ROBO1: variants seen among roughly 807,000 people sequenced by gnomAD.
The protein encoded by ROBO1 is roundabout homolog 1.
A neutral mutation model predicts 195.9 loss-of-function variants in ROBO1; 149 were observed. The ratio of observed to expected loss-of-function variants is 0.76; its 90% CI spans 0.67 to 0.87. The LOEUF (loss-of-function observed/expected upper bound fraction) is 0.87. ROBO1 is among the 40% of genes least tolerant of loss of function. ROBO1 has a pLI of 0.00. For synonymous variants in ROBO1, 816 were observed against 733.2 expected (o/e 1.11, Z -1.82); for missense variants, 1,933 against 2,068.3 (o/e 0.93, Z 1.27).
intron 4 of ROBO1, among the ~76,000 whole-genome samples, chr3:78,812,944 A>G (rs1274572378): frequency 2.0e-5 from 3 of 152,102 alleles, no homozygotes; most frequent in Non-Finnish European, 2.9e-5. Flanking sequence ...AATATTAACT[A>G]TCTTGTACTT....
At chr3:79,631,865 A>G (rs1195656780) in intron 1 of ROBO1, among the ~76,000 whole-genome samples, 2 of 152,142 alleles carry the variant, frequency 1.3e-5, no homozygotes, top group East Asian at 1.9e-4. Context: ...GCCAAAATAC[A>G]TATGAAAAAA....
intron 10 of ROBO1, 48 bp from the exon 11 acceptor site, chr3:78,670,349 T>C: frequency 6.7e-7 from 1 of 1,491,218 alleles, no homozygotes; most frequent in Non-Finnish European, 9.1e-7. Context: ...TGGAAGCAAT[T>C]TTCTAATCAT....
intron 2 of ROBO1, among the ~76,000 whole-genome samples, chr3:79,529,428 G>A (rs192657579): frequency 1.6e-4 from 24 of 152,298 alleles, no homozygotes; most frequent in African/African-American, 5.5e-4. Context: ...GCCTTGTCTG[G>A]ATCGTGCCAC....
intron 4 of ROBO1, among the ~76,000 whole-genome samples, chr3:78,834,544 C>T (rs2032525279): frequency 6.6e-6 from 1 of 151,070 alleles, no homozygotes; most frequent in African/African-American, 2.4e-5. Flanking sequence ...ACATCAAAAC[C>T]ACAAATATGT....
intron 1 of ROBO1, among the ~76,000 whole-genome samples, chr3:79,668,118 A>T (rs1191942185): frequency 1.3e-5 from 2 of 151,888 alleles, no homozygotes; most frequent in African/African-American, 4.8e-5. Context: ...TTAAAAATAT[A>T]TGTTATGATA....
chr3:79,680,047 C>T (rs1328444554), intron 1 of ROBO1, among the ~76,000 whole-genome samples: 8 of 151,996 alleles, frequency 5.3e-5, no homozygotes, highest in Non-Finnish European at 2.9e-5. Context: ...TTATTTCTTG[C>T]ATATGCTACG....
intron 4 of ROBO1, among the ~76,000 whole-genome samples, chr3:78,768,243 T>C (rs1277914494): frequency 1.3e-5 from 2 of 152,082 alleles, no homozygotes; most frequent in Non-Finnish European, 2.9e-5. Flanking sequence ...TGAATTTTTT[T>C]TGGGGGGTGG....
intron 5 of ROBO1, among the ~76,000 whole-genome samples, chr3:78,737,398 T>C (rs985488900): frequency 1.3e-5 from 2 of 152,264 alleles, no homozygotes; most frequent in East Asian, 3.9e-4. Flanking sequence ...TTCAAATAGG[T>C]ATACTAACAA....
At chr3:78,612,685 A>G (rs1181410640) in intron 28 of ROBO1, among the ~76,000 whole-genome samples, 4 of 152,234 alleles carry the variant, frequency 2.6e-5, no homozygotes, top group Non-Finnish European at 5.9e-5. Flanking sequence ...TTGTTAGTAC[A>G]GTAAACATAA....
At chr3:79,502,851 A>T (rs1940175454) in intron 2 of ROBO1, among the ~76,000 whole-genome samples, 1 of 151,994 alleles carries the variant, frequency 6.6e-6, no homozygotes, top group Non-Finnish European at 1.5e-5. Flanking sequence ...TAGCTAATCT[A>T]GTGGGGAGGT....
chr3:79,507,145 G>A (rs1246016584), intron 2 of ROBO1, among the ~76,000 whole-genome samples: 3 of 152,118 alleles, frequency 2.0e-5, no homozygotes, highest in Non-Finnish European at 2.9e-5. Flanking sequence ...CACATTAGCC[G>A]GTTTATTAAA....
At chr3:78,897,737 C>T (rs1362931410) in intron 4 of ROBO1, among the ~76,000 whole-genome samples, 2 of 152,030 alleles carry the variant, frequency 1.3e-5, no homozygotes, top group Admixed American at 6.5e-5. Flanking sequence ...CATTTGCTTA[C>T]TCATAATTCC....
chr3:79,080,745 A>G (rs2079258007), intron 3 of ROBO1, among the ~76,000 whole-genome samples: 2 of 152,098 alleles, frequency 1.3e-5, no homozygotes, highest in Non-Finnish European at 2.9e-5. Flanking sequence ...CAGGTGGTAT[A>G]TTAAAAAGGT....
intron 23 of ROBO1, among the ~76,000 whole-genome samples, chr3:78,634,246 AATAAT>A (rs942038524): frequency 2.0e-5 from 3 of 151,924 alleles, no homozygotes; most frequent in Admixed American, 6.6e-5. Context: ...AAATAACTTT[AATAAT>A]ATAATATCAA....
intron 8 of ROBO1, among the ~76,000 whole-genome samples, chr3:78,711,386 C>CTTTCTTTCTTTCTTT (rs1260508542): frequency 2.9e-5 from 1 of 34,376 alleles, no homozygotes; most frequent in African/African-American, 1.1e-4. Context: ...TTCCTTCCTT[C>CTTTCTTTCTTTCTTT]CTTCCTTCCT....
chr3:79,072,433 T>C (rs1235330547), intron 3 of ROBO1, among the ~76,000 whole-genome samples: 1 of 151,896 alleles, frequency 6.6e-6, no homozygotes, highest in Non-Finnish European at 1.5e-5. Context: ...CCAAATAATA[T>C]AGCAGTGACA....
chr3:79,027,696 A>G (rs1393707636), intron 3 of ROBO1, among the ~76,000 whole-genome samples: 1 of 152,082 alleles, frequency 6.6e-6, no homozygotes, highest in Admixed American at 6.5e-5. Flanking sequence ...CCACATTCCA[A>G]AAGAAATCAT....
intron 4 of ROBO1, among the ~76,000 whole-genome samples, chr3:78,909,326 T>A (rs781623761): frequency 5.9e-5 from 9 of 151,888 alleles, no homozygotes; most frequent in Non-Finnish European, 8.8e-5. Context: ...ATAATTTTTA[T>A]GTCCACATCA....
intron 3 of ROBO1, among the ~76,000 whole-genome samples, chr3:78,964,300 T>C (rs1339206119): frequency 3.9e-5 from 6 of 152,068 alleles, no homozygotes; most frequent in Non-Finnish European, 8.8e-5. Context: ...GGTTAGGCCT[T>C]CAACAACATT....
Sources: allele counts gnomAD v4.1 joint callset (sites outside exome capture counted in the v4.1 genomes callset), GRCh38; gene constraint gnomAD v4.1.1; transcripts MANE v1.5; gene names NCBI Gene and HGNC (gene_info 2026-07-23, HGNC 2026-07-21).